CDC7: variants seen among roughly 807,000 people sequenced by gnomAD.
The protein encoded by CDC7 is cell division cycle 7, also known as cell division cycle 7-related protein kinase.
A neutral mutation model predicts 53.5 loss-of-function variants in CDC7; 34 were observed. The observed-to-expected ratio is 0.64, with a 90% CI of 0.48 to 0.85. The LOEUF is 0.85. Ranked by LOEUF, CDC7 falls within the 40% of genes least tolerant of loss-of-function variation. The pLI is 0.00. For synonymous variants in CDC7, 211 were observed against 222.8 expected (o/e 0.95, Z 0.47); for missense variants, 594 against 679.7 (o/e 0.87, Z 1.40).
intron 11 of CDC7, among the ~76,000 whole-genome samples, chr1:91,522,855 A>T (rs967360620): frequency 6.6e-6 from 1 of 152,212 alleles, no homozygotes; most frequent in African/African-American, 2.4e-5. Flanking sequence ...GTTAGTTCAG[A>T]ATATGTAAAG....
At chr1:91,521,402 T>G (rs2102403499) in intron 11 of CDC7, among the ~76,000 whole-genome samples, 1 of 152,300 alleles carries the variant, frequency 6.6e-6, no homozygotes, top group Non-Finnish European at 1.5e-5. Flanking sequence ...CAAGAAAAAC[T>G]TAGTGGTGGT....
chr1:91,503,234 G>A (rs972341061), intron 2 of CDC7, among the ~76,000 whole-genome samples: 4 of 152,076 alleles, frequency 2.6e-5, no homozygotes, highest in Non-Finnish European at 5.9e-5. Context: ...GTTTTGTAGC[G>A]TTTATGTAAC....
Position 91,520,207 on chromosome 1 carries a change from G to T in CDC7, c.1258G>T (p.Asp420Tyr). The T allele has an allele frequency of 1.2e-6, 2 of 1,609,870 alleles. No homozygotes were observed. The highest frequency in any genetic ancestry group is 2.7e-5 in the African/African-American group (2 of 74,860). ...ATATCCATTTTATAAAGCAAGTGAT[G>T]ATTTAACTGCTTTGGCCCAAATTAT... Reference protein sequence around the residue: ...GRYPFYKASDDLTALAQIMTI... With the variant: ...GRYPFYKASDYLTALAQIMTI... The change falls in exon 11 of 12, where the codon GAT (aspartate) becomes TAT (tyrosine). Residue 420 changes from aspartate to tyrosine, a missense_variant. Coordinates refer to ENST00000234626, the MANE Select transcript of CDC7 (RefSeq NM_003503.4).
chr1:91,517,306 G>A (rs1162461023), intron 10 of CDC7, among the ~76,000 whole-genome samples: 3 of 152,172 alleles, frequency 2.0e-5, no homozygotes, highest in Non-Finnish European at 4.4e-5. Context: ...GTGAGAGGAT[G>A]AAAATGTGAA....
At chr1:91,518,993 G>A (rs1404641993) in intron 10 of CDC7, among the ~76,000 whole-genome samples, 6 of 145,826 alleles carry the variant, frequency 4.1e-5, no homozygotes, top group Non-Finnish European at 4.6e-5. Context: ...CCTGGGAGGC[G>A]GAGGTTGCAG....
At chr1:91,522,573 TAAA>T (rs13447550) in intron 11 of CDC7, among the ~76,000 whole-genome samples, 1 of 151,988 alleles carries the variant, frequency 6.6e-6, no homozygotes, top group East Asian at 1.9e-4. Flanking sequence ...TTTGGTCATA[TAAA>T]AAAAAGCATA....
At chr1:91,505,782 T>C (rs1391972260) in intron 2 of CDC7, among the ~76,000 whole-genome samples, 3 of 152,206 alleles carry the variant, frequency 2.0e-5, no homozygotes, top group Non-Finnish European at 4.4e-5. Flanking sequence ...TGTTTAAAAT[T>C]GTTGAAGTTG....
intron 10 of CDC7, among the ~76,000 whole-genome samples, chr1:91,518,093 CAAAAAAAAAAAAA>C (rs55787737): frequency 2.2e-5 from 1 of 46,020 alleles, no homozygotes; most frequent in Non-Finnish European, 3.6e-5. Flanking sequence ...GACTCAGTCT[CAAAAAAAAAAAAA>C]AAAAAAAAAA....
At chr1:91,514,699 C>A in intron 8 of CDC7, 120 bp from the exon 9 acceptor site, 1 of 680,294 alleles carries the variant, frequency 1.5e-6, no homozygotes, top group Non-Finnish European at 2.4e-6. Context: ...TATTTACAGT[C>A]CAATAGCCAT....
At position 91,525,336 on chromosome 1, in the gene CDC7, G is replaced by A. The variant is rs1018276208; in HGVS notation, c.*901G>A. The A allele has an allele frequency of 6.6e-6, 1 of 152,028 alleles. No individual in the cohort carries two copies. The highest frequency in any genetic ancestry group is 1.9e-4 in the East Asian group (1 of 5,200). The allele number at this position is 152,028 out of a possible 1,614,324, so 9.4% of individuals were successfully genotyped here. On this transcript the variant is annotated 3_prime_UTR_variant, in exon 12 of 12. Coordinates refer to ENST00000234626, the MANE Select transcript of CDC7 (RefSeq NM_003503.4). ...AAGGAAAAGTGAATACAGAATTGAC[G>A]GTATTATTGGAGATTTTTCCTCTGC...
At chr1:91,501,934 A>T in intron 2 of CDC7, 103 bp downstream of exon 2, 1 of 851,590 alleles carries the variant, frequency 1.2e-6, no homozygotes, top group Non-Finnish European at 1.9e-6. Flanking sequence ...TTATAAAGTG[A>T]ATTGTATGTT....
At chr1:91,515,535 T>C (rs1028783117) in intron 9 of CDC7, among the ~76,000 whole-genome samples, 2 of 152,228 alleles carry the variant, frequency 1.3e-5, no homozygotes, top group African/African-American at 4.8e-5. Context: ...ATGGCTCTTA[T>C]TATCCACTAC....
intron 2 of CDC7, 119 bp from the exon 3 acceptor site, chr1:91,507,735 A>G: frequency 1.5e-6 from 1 of 681,444 alleles, no homozygotes; most frequent in Non-Finnish European, 2.4e-6. Context: ...TGTTATTAAA[A>G]CTTATGTATA....
intron 1 of CDC7, chr1:91,501,296 G>A: frequency 5.9e-6 from 1 of 169,428 alleles, no homozygotes; most frequent in Non-Finnish European, 1.3e-5. Flanking sequence ...CCTGTCAGTG[G>A]CGAAAAGGTT....
At chr1:91,510,115 T>C (rs1330509637) in intron 4 of CDC7, among the ~76,000 whole-genome samples, 1 of 151,922 alleles carries the variant, frequency 6.6e-6, no homozygotes, top group Non-Finnish European at 1.5e-5. Flanking sequence ...CTTGGGAGGC[T>C]GAGGTAGGAG....
rs1668161231 is a variant in CDC7, at chr1:91,524,523, G to C, written c.*88G>C. 6 of 967,576 alleles carry C rather than the reference G, an allele frequency of 6.2e-6. No homozygotes were observed. Among genetic ancestry groups the C allele is most frequent in the Non-Finnish European group, 9.2e-6 (6 of 652,132 alleles). The allele number at this position is 967,576 out of a possible 1,614,324, so 59.9% of individuals were successfully genotyped here. A position where few individuals can be genotyped will look rare whatever the true frequency, so the allele number is the denominator to read the frequency against. On this transcript the variant is annotated 3_prime_UTR_variant, in exon 12 of 12. Coordinates refer to ENST00000234626, the MANE Select transcript of CDC7 (RefSeq NM_003503.4). ...GCCACAAGTTCTTGTTTAGAGACCAGAGCAGGATTAATAATTTATTTTAAC... is the reference window on the plus strand; with the variant it reads ...GCCACAAGTTCTTGTTTAGAGACCACAGCAGGATTAATAATTTATTTTAAC...
intron 2 of CDC7, among the ~76,000 whole-genome samples, chr1:91,502,304 G>A (rs1439585657): frequency 6.6e-6 from 1 of 152,134 alleles, no homozygotes; most frequent in Non-Finnish European, 1.5e-5. Context: ...CAGACCTTAG[G>A]GTGAATAAGA....
At chr1:91,516,089 C>T (rs1444694333) in intron 10 of CDC7, among the ~76,000 whole-genome samples, 3 of 151,720 alleles carry the variant, frequency 2.0e-5, no homozygotes, top group Non-Finnish European at 4.4e-5. Flanking sequence ...TTTGTTTAAA[C>T]AGTTTATTCC....
Position 91,513,216 on chromosome 1 carries a change from A to G in CDC7, c.731A>G (p.Lys244Arg), listed in dbSNP as rs759410361. 6.2e-7 allele frequency: 1 copy of G among 1,613,726 alleles called. No homozygotes were observed. The highest frequency in any genetic ancestry group is 1.1e-5 in the South Asian group (1 of 91,070). Residue 244 changes from lysine (K) to arginine (R), a missense_variant, in exon 7 of 12, where the codon AAG (lysine) becomes AGG (arginine). Coordinates refer to ENST00000234626, the MANE Select transcript of CDC7 (RefSeq NM_003503.4). ...NKIPLSGPVP[K>R]ELDQQSTTKA... Reference sequence around the variant, plus strand: ...ATTCCACTGAGTGGCCCAGTACCTAAGGAGCTGGATCAGCAGTCCACCACA... The same window carrying G: ...ATTCCACTGAGTGGCCCAGTACCTAGGGAGCTGGATCAGCAGTCCACCACA...
Sources: allele counts gnomAD v4.1 joint callset (sites outside exome capture counted in the v4.1 genomes callset), GRCh38; gene constraint gnomAD v4.1.1; transcripts MANE v1.5; gene names NCBI Gene and HGNC (gene_info 2026-07-23, HGNC 2026-07-21).